The following GPC5 variants were observed in gnomAD, a reference collection of about 807,000 sequenced individuals.
The protein encoded by GPC5 is glypican 5, also known as glypican-5.
GPC5 carries 47 observed loss-of-function variants against 53.9 expected under a neutral mutation model. That is an observed-to-expected ratio of 0.87 (90% CI 0.69 to 1.11). The LOEUF (loss-of-function observed/expected upper bound fraction) is 1.11. Ranked by LOEUF, GPC5 falls within the 50% of genes most tolerant of loss-of-function variation. GPC5 has a pLI of 0.00. For missense variants in GPC5, 748 were observed against 713.1 expected, an observed-to-expected ratio of 1.05 and a Z score of -0.56; for synonymous variants, 286 against 263.3, an observed-to-expected ratio of 1.09 and a Z score of -0.84.
chr13:92,557,258 A>C (rs1882527481), intron 7 of GPC5, among the ~76,000 whole-genome samples: 2 of 151,976 alleles, frequency 1.3e-5, no homozygotes, highest in South Asian at 4.2e-4. Context: ...ACATTTTTGC[A>C]CATTTTTAAA....
At chr13:91,974,579 T>A (rs1486223784) in intron 6 of GPC5, among the ~76,000 whole-genome samples, 1 of 152,028 alleles carries the variant, frequency 6.6e-6, no homozygotes, top group Non-Finnish European at 1.5e-5. Context: ...GAAGGACCTC[T>A]TCAAGGAGAA....
At chr13:91,965,233 A>G (rs1430328504) in intron 6 of GPC5, among the ~76,000 whole-genome samples, 6 of 152,120 alleles carry the variant, frequency 3.9e-5, no homozygotes, top group Admixed American at 3.9e-4. Context: ...AAGTATAATA[A>G]TATAAAAAAG....
At chr13:92,791,830 T>A (rs1421982236) in intron 7 of GPC5, among the ~76,000 whole-genome samples, 2 of 152,136 alleles carry the variant, frequency 1.3e-5, no homozygotes, top group Non-Finnish European at 2.9e-5. Context: ...ATTATTTTTT[T>A]AAAACTTTGT....
chr13:92,761,789 G>C (rs1875186117), intron 7 of GPC5, among the ~76,000 whole-genome samples: 1 of 152,022 alleles, frequency 6.6e-6, no homozygotes, highest in Non-Finnish European at 1.5e-5. Context: ...TAGATCTTTT[G>C]TTCCTTGCAT....
At chr13:92,192,491 G>A (rs1453396174) in intron 7 of GPC5, among the ~76,000 whole-genome samples, 9 of 152,016 alleles carry the variant, frequency 5.9e-5, no homozygotes, top group South Asian at 4.2e-4. Flanking sequence ...AAATAAATGC[G>A]TGATAACAAT....
chr13:92,060,389 C>T (rs938090475), intron 6 of GPC5, among the ~76,000 whole-genome samples: 1 of 151,866 alleles, frequency 6.6e-6, no homozygotes, highest in Non-Finnish European at 1.5e-5. Flanking sequence ...CCTCATATAA[C>T]CATATACAGT....
At chr13:92,501,875 CATAAA>C (rs751469021) in intron 7 of GPC5, among the ~76,000 whole-genome samples, 6 of 152,034 alleles carry the variant, frequency 3.9e-5, no homozygotes, top group Non-Finnish European at 8.8e-5. Flanking sequence ...CAGAAATAAA[CATAAA>C]ATAATAGTGT....
chr13:92,022,138 T>C (rs1433924485), intron 6 of GPC5, among the ~76,000 whole-genome samples: 2 of 152,102 alleles, frequency 1.3e-5, no homozygotes, highest in Non-Finnish European at 2.9e-5. Flanking sequence ...TAGCTGGATT[T>C]ATAGGCACGT....
In GPC5 at chr13:92,588,762, T is replaced by C. The variant is rs1350929307; in HGVS notation, c.1562-277520T>C. ...ATCTACAATAGCATGTTTTTTATAATTATCTGAAAATTGTCCCGGTCCCTG... is the reference window on the plus strand; with the variant it reads ...ATCTACAATAGCATGTTTTTTATAACTATCTGAAAATTGTCCCGGTCCCTG... On this transcript the variant is annotated intron_variant, in intron 7 of 7. Coordinates refer to ENST00000377067, the MANE Select transcript of GPC5 (RefSeq NM_004466.6). Among the ~76,000 whole-genome samples, 5 of 152,188 alleles carry C rather than the reference T, an allele frequency of 3.3e-5. No homozygotes were observed. The South Asian group carries it at 1.0e-3, about 32-fold the overall frequency.
At chr13:91,895,574 G>A (rs576307043) in intron 5 of GPC5, among the ~76,000 whole-genome samples, 7 of 151,678 alleles carry the variant, frequency 4.6e-5, no homozygotes, top group African/African-American at 1.2e-4. Context: ...ATACTTGCAT[G>A]AGAACCATCC....
chr13:91,561,342 A>C (rs79911471), intron 2 of GPC5, among the ~76,000 whole-genome samples: 97 of 152,268 alleles, frequency 6.4e-4, no homozygotes, highest in African/African-American at 2.2e-3. Context: ...CTCTACCCCA[A>C]TAGCAAACCA....
At chr13:91,934,543 T>G (rs1027349546) in intron 6 of GPC5, among the ~76,000 whole-genome samples, 1 of 151,954 alleles carries the variant, frequency 6.6e-6, no homozygotes, top group African/African-American at 2.4e-5. Context: ...AAAAACTGGA[T>G]GTCTTCCAAG....
At chr13:92,310,246 A>G (rs1036154885) in intron 7 of GPC5, among the ~76,000 whole-genome samples, 1 of 152,096 alleles carries the variant, frequency 6.6e-6, no homozygotes. Flanking sequence ...TCTAAATAAC[A>G]ATCTATCACA....
intron 5 of GPC5, among the ~76,000 whole-genome samples, chr13:91,851,852 A>G (rs1432937041): frequency 7.0e-6 from 1 of 142,330 alleles, no homozygotes; most frequent in Non-Finnish European, 1.5e-5. Flanking sequence ...ATGTCTGCAT[A>G]GTATTCCATG....
At chr13:91,678,149 TCGGAGTG>T (rs2035425937) in intron 2 of GPC5, among the ~76,000 whole-genome samples, 1 of 152,192 alleles carries the variant, frequency 6.6e-6, no homozygotes, top group African/African-American at 2.4e-5. Context: ...GTCTGTAACT[TCGGAGTG>T]AATACTTTCA....
At chr13:92,653,521 G>T (rs1886027504) in intron 7 of GPC5, among the ~76,000 whole-genome samples, 1 of 152,040 alleles carries the variant, frequency 6.6e-6, no homozygotes, top group Non-Finnish European at 1.5e-5. Flanking sequence ...CATCACTTAA[G>T]ATTCTTTAGG....
At chr13:92,604,190 G>A (rs1392979196) in intron 7 of GPC5, among the ~76,000 whole-genome samples, 1 of 152,060 alleles carries the variant, frequency 6.6e-6, no homozygotes. Context: ...TACTTTACAG[G>A]AATTCACTTC....
chr13:91,722,563 T>C lies in GPC5; in HGVS notation c.1021-5969T>C, dbSNP rs138252484. ...AAGATTCTTTTCACAGTGGGGCCAA[T>C]AGGAGATTATTAAAACGTGCTTCTG... On this transcript the variant is annotated intron_variant, in intron 3 of 7. Coordinates refer to ENST00000377067, the MANE Select transcript of GPC5 (RefSeq NM_004466.6). Among the ~76,000 whole-genome samples the C allele has an allele frequency of 5.8e-3, 879 of 152,270 alleles. 6 individuals carry two copies. Among genetic ancestry groups the C allele is most frequent in the African/African-American group, 0.02 (841 of 41,564 alleles).
intron 7 of GPC5, among the ~76,000 whole-genome samples, chr13:92,561,029 A>T (rs1388608532): frequency 6.6e-6 from 1 of 151,950 alleles, no homozygotes; most frequent in Non-Finnish European, 1.5e-5. Flanking sequence ...TGATTTATGC[A>T]GTTAAATCTT....
Sources: allele counts gnomAD v4.1 joint callset (sites outside exome capture counted in the v4.1 genomes callset), GRCh38; gene constraint gnomAD v4.1.1; transcripts MANE v1.5; gene names NCBI Gene and HGNC (gene_info 2026-07-23, HGNC 2026-07-21).